The following WASHC5 variants were observed in gnomAD, a reference collection of about 807,000 sequenced individuals.
The protein encoded by WASHC5 is WASH complex subunit strumpellin.
In WASHC5, 101 loss-of-function variants were observed where a neutral mutation model predicts 150.4. The ratio of observed to expected loss-of-function variants is 0.67; its 90% CI spans 0.57 to 0.79. The LOEUF (loss-of-function observed/expected upper bound fraction) is 0.79, where lower values mean the gene tolerates loss of function less well. Ranked by LOEUF, WASHC5 falls within the 30% of genes least tolerant of loss-of-function variation. The pLI is 0.00. For synonymous variants in WASHC5, 467 were observed against 491.2 expected, an observed-to-expected ratio of 0.95 and a Z score of 0.65; for missense variants, 1,195 against 1,396.3, an observed-to-expected ratio of 0.86 and a Z score of 2.30.
chr8:125,084,533 T>C (rs79979343), intron 1 of WASHC5, among the ~76,000 whole-genome samples: 19,737 of 152,220 alleles, frequency 0.13, 3,122 homozygotes, highest in African/African-American at 0.38. Context: ...TCTGTGAAGA[T>C]GATTTATAAA....
intron 15 of WASHC5, among the ~76,000 whole-genome samples, chr8:125,057,163 A>G (rs1188241406): frequency 6.6e-6 from 1 of 152,214 alleles, no homozygotes; most frequent in East Asian, 1.9e-4. Context: ...TCCATGCTCC[A>G]TCAGAATTTA....
intron 2 of WASHC5, 40 bp from the exon 3 acceptor site, chr8:125,083,298 T>G: frequency 6.3e-7 from 1 of 1,586,816 alleles, no homozygotes. Context: ...AATAAAAGCA[T>G]ACTTGTTGGT....
intron 26 of WASHC5, among the ~76,000 whole-genome samples, chr8:125,036,927 C>T (rs984818776): frequency 6.6e-6 from 1 of 152,034 alleles, no homozygotes; most frequent in African/African-American, 2.4e-5. Context: ...GCAGGAGAAT[C>T]GCTTGAACCT....
At chr8:125,070,849 G>C (rs1332886330) in intron 9 of WASHC5, among the ~76,000 whole-genome samples, 1 of 152,220 alleles carries the variant, frequency 6.6e-6, no homozygotes, top group Non-Finnish European at 1.5e-5. Context: ...AGAAGGCTGA[G>C]GGGAAACTCC....
intron 17 of WASHC5, among the ~76,000 whole-genome samples, chr8:125,052,180 T>C (rs1354013584): frequency 1.3e-5 from 2 of 152,220 alleles, no homozygotes; most frequent in South Asian, 2.1e-4. Flanking sequence ...TATAAAGATA[T>C]AGTCAATGAG....
intron 1 of WASHC5, among the ~76,000 whole-genome samples, chr8:125,087,241 T>C (rs1410907719): frequency 6.6e-6 from 1 of 152,212 alleles, no homozygotes; most frequent in Non-Finnish European, 1.5e-5. Context: ...ATAATGTCCA[T>C]GTAGCTATTT....
At chr8:125,035,615 T>C (rs560534939) in intron 26 of WASHC5, among the ~76,000 whole-genome samples, 179 of 152,360 alleles carry the variant, frequency 1.2e-3, no homozygotes, top group African/African-American at 4.1e-3. Flanking sequence ...AGGTGATAAG[T>C]GGTGAAGCCA....
chr8:125,068,090 G>A (rs529832535), intron 9 of WASHC5, among the ~76,000 whole-genome samples: 9 of 152,244 alleles, frequency 5.9e-5, no homozygotes, highest in African/African-American at 2.2e-4. Flanking sequence ...CTGTCTGTTC[G>A]GAGTTGCTTT....
Position 125,063,914 on chromosome 8 carries a change from C to T in WASHC5, c.1279-263G>A, listed in dbSNP as rs375221128. ...CAGGAGGCTTTAAAGTTTTCAGATT[C>T]TCAAGGCCCACCCCCAAAGATTCTC... is the stretch of plus-strand genomic sequence containing the variant. On this transcript the variant is annotated intron_variant, in intron 10 of 28. Transcript: ENST00000318410. 4.6e-5 allele frequency among the ~76,000 whole-genome samples: 7 copies of T among 152,260 alleles called. No individual in the cohort carries two copies. In the East Asian group the frequency reaches 1.4e-3, roughly 29 times the overall value.
chr8:125,067,697 G>T lies in WASHC5; in HGVS notation c.1173C>A (p.Arg391=), dbSNP rs1344658074. 12 of 1,613,732 alleles carry T rather than the reference G, an allele frequency of 7.4e-6. No homozygotes were observed. The highest frequency in any genetic ancestry group is 3.3e-5 in the Admixed American group (2 of 59,982). ...ADSACDPNNK[R]LRQIKDQILT... is the part of the protein sequence containing the mutation. Reference sequence around the variant, plus strand: ...GAATCTGGTCCTTGATTTGACGAAGGCGTTTGTTGTTTGGGTCACAGGCTA... The same window carrying T: ...GAATCTGGTCCTTGATTTGACGAAGTCGTTTGTTGTTTGGGTCACAGGCTA... Residue 391 remains arginine (R), a synonymous_variant, in exon 10 of 29, where the codon CGC becomes CGA. Coordinates refer to ENST00000318410, the MANE Select transcript of WASHC5 (RefSeq NM_014846.4).
chr8:125,032,151 A>G (rs1815559244), intron 27 of WASHC5, 90 bp downstream of exon 27: 2 of 1,427,116 alleles, frequency 1.4e-6, no homozygotes, highest in Admixed American at 3.3e-5. Flanking sequence ...TCCCATCTCT[A>G]TTAGGGCGAT....
At chr8:125,037,209 C>T (rs1815737324) in intron 26 of WASHC5, 28 bp downstream of exon 26, 1 of 1,245,044 alleles carries the variant, frequency 8.0e-7, no homozygotes, top group Admixed American at 1.7e-5. Context: ...TATTGTTACT[C>T]ATTGCAAATA....
intron 28 of WASHC5, among the ~76,000 whole-genome samples, chr8:125,025,022 C>G (rs1815336784): frequency 6.6e-6 from 1 of 151,958 alleles, no homozygotes; most frequent in Non-Finnish European, 1.5e-5. Context: ...TGATGACCAA[C>G]AAGGAAGAAC....
At chr8:125,076,817 A>T (rs150185048) in intron 6 of WASHC5, among the ~76,000 whole-genome samples, 118 of 148,676 alleles carry the variant, frequency 7.9e-4, no homozygotes, top group Middle Eastern at 3.5e-3. Flanking sequence ...CCTGTTGGAG[A>T]CAACCCTTAG....
At chr8:125,049,321 G>T in intron 18 of WASHC5, 136 bp from the exon 19 acceptor site, 2 of 882,948 alleles carry the variant, frequency 2.3e-6, no homozygotes, top group South Asian at 2.8e-5. Flanking sequence ...CACTTTGGGA[G>T]GCTTAGGCAG....
intron 20 of WASHC5, among the ~76,000 whole-genome samples, chr8:125,046,138 C>T (rs561979488): frequency 9.2e-5 from 14 of 152,304 alleles, no homozygotes; most frequent in South Asian, 4.1e-4. Context: ...ATCAACTACA[C>T]GTGCCTGGGT....
rs1413503384 is a variant in WASHC5 at position 125,073,294 on chromosome 8, C to G, written c.1009G>C (p.Val337Leu). The G allele has an allele frequency of 1.2e-6, 2 of 1,613,902 alleles. No homozygotes were observed. Among genetic ancestry groups the G allele is most frequent in the Non-Finnish European group, 1.7e-6 (2 of 1,179,904 alleles). Reference sequence around the variant, plus strand: ...AGAAATTGCTGCACTTGAGCATGCACTCTTTCACTGACAGTAGCATATCTG... The same window carrying G: ...AGAAATTGCTGCACTTGAGCATGCAGTCTTTCACTGACAGTAGCATATCTG... The part of the protein sequence containing the change: ...ASRYATVSER[V>L]HAQVQQFLKE... Residue 337 changes from valine to leucine, a missense_variant, in exon 9 of 29, where the codon GTG becomes CTG. Val to Leu is a conservative substitution (Grantham distance 32, BLOSUM62 1). Transcript: ENST00000318410.
intron 20 of WASHC5, 138 bp downstream of exon 20, chr8:125,047,069 C>T (rs991049490): frequency 9.5e-7 from 1 of 1,048,042 alleles, no homozygotes; most frequent in Non-Finnish European, 1.5e-6. Context: ...GGTTAGGGAC[C>T]CTTGCCCTAA....
chr8:125,058,168 A>G (rs1816471671), intron 14 of WASHC5, among the ~76,000 whole-genome samples: 1 of 151,870 alleles, frequency 6.6e-6, no homozygotes, highest in South Asian at 2.1e-4. Context: ...TGCCATTCAG[A>G]AAAAAATTAA....
Sources: gnomAD v4.1 joint callset for allele counts (sites outside exome capture counted in the v4.1 genomes callset) on GRCh38, gnomAD v4.1.1 for gene constraint, MANE v1.5 for transcripts, NCBI Gene and HGNC (gene_info 2026-07-23, HGNC 2026-07-21) for gene names.